ODAD2: variants seen among roughly 807,000 people sequenced by gnomAD.
The protein encoded by ODAD2 is outer dynein arm-docking complex subunit 2.
In ODAD2, 89 loss-of-function variants were observed where a neutral mutation model predicts 106.8. The ratio of observed to expected loss-of-function variants is 0.83; its 90% confidence interval spans 0.70 to 0.99. The LOEUF (loss-of-function observed/expected upper bound fraction) is 0.99, where lower values mean the gene tolerates loss of function less well. Ranked by LOEUF, ODAD2 falls within the 50% of genes least tolerant of loss-of-function variation. The pLI is 0.00. For missense variants in ODAD2, 1,168 were observed against 1,238.5 expected (o/e 0.94, Z 0.85); for synonymous variants, 404 against 436.2 (o/e 0.93, Z 0.92).
intron 7 of ODAD2, among the ~76,000 whole-genome samples, chr10:27,973,212 A>AATACGTACATAC (rs1848970646): frequency 6.7e-6 from 1 of 148,236 alleles, no homozygotes; most frequent in Non-Finnish European, 1.5e-5. Context: ...TGGTCAAAAT[A>AATACGTACATAC]ATACATACAT....
chr10:27,979,238 A>G (rs1309681323), intron 7 of ODAD2, among the ~76,000 whole-genome samples: 1 of 151,722 alleles, frequency 6.6e-6, no homozygotes, highest in Non-Finnish European at 1.5e-5. Flanking sequence ...TCTCAAAAAA[A>G]AAAAAAAAAA....
chr10:27,876,428 C>T (rs934564056), intron 17 of ODAD2, among the ~76,000 whole-genome samples: 4 of 152,200 alleles, frequency 2.6e-5, no homozygotes, highest in African/African-American at 9.6e-5. Flanking sequence ...GATACCCAGG[C>T]AAACAGCGTC....
chr10:27,984,013 C>T, intron 5 of ODAD2, 34 bp from the exon 6 acceptor site: 1 of 1,596,032 alleles, frequency 6.3e-7, no homozygotes, highest in Middle Eastern at 1.7e-4. Flanking sequence ...AACAGGAGTT[C>T]CTTAACCTAG....
intron 19 of ODAD2, among the ~76,000 whole-genome samples, chr10:27,854,639 C>A (rs562942496): frequency 7.5e-4 from 114 of 152,042 alleles, no homozygotes; most frequent in Non-Finnish European, 1.3e-3. Flanking sequence ...GCCTGTAACC[C>A]CAGCTACTCG....
chr10:27,848,025 C>T (rs1451256979), intron 19 of ODAD2, among the ~76,000 whole-genome samples: 1 of 152,134 alleles, frequency 6.6e-6, no homozygotes, highest in Non-Finnish European at 1.5e-5. Flanking sequence ...CAATGCCATT[C>T]CCATCAAGCT....
rs752989295 is a variant in ODAD2, at chr10:27,907,677, T to G, written c.2596A>C (p.Ile866Leu). ...TCCGTTCTTACCTTTGCATTTTTGA[T>G]GCATGGACAGAGTGCCCATGCTGCG... ...ASAAWALCPC[I>L]KNAKDAGEMV... Residue 866 changes from isoleucine to leucine, a missense_variant, in exon 17 of 20, where the codon ATC becomes CTC. Around this residue, in one of 3 missense-constraint regions of ODAD2, gnomAD observed 701 missense variants for 712.3 expected, o/e 0.98. Coordinates refer to ENST00000305242, the MANE Select transcript of ODAD2 (RefSeq NM_018076.5). 1 of 1,612,930 alleles carries G rather than the reference T, an allele frequency of 6.2e-7. No homozygotes were observed. Among genetic ancestry groups the G allele is most frequent in the Non-Finnish European group, 8.5e-7 (1 of 1,179,142 alleles).
At chr10:27,954,939 C>T (rs1381071030) in intron 10 of ODAD2, among the ~76,000 whole-genome samples, 1 of 152,166 alleles carries the variant, frequency 6.6e-6, no homozygotes, top group African/African-American at 2.4e-5. Flanking sequence ...AATGCAGATT[C>T]TGAGTAGGCT....
intron 19 of ODAD2, among the ~76,000 whole-genome samples, chr10:27,854,978 T>C (rs1476638821): frequency 6.6e-6 from 1 of 152,144 alleles, no homozygotes; most frequent in African/African-American, 2.4e-5. Flanking sequence ...TTATCTATAT[T>C]GACAGAAAGC....
intron 17 of ODAD2, among the ~76,000 whole-genome samples, chr10:27,891,652 T>C (rs1184842929): frequency 1.3e-5 from 2 of 151,522 alleles, no homozygotes; most frequent in African/African-American, 2.4e-5. Context: ...AATGCAAATA[T>C]AGTTGAACAT....
intron 10 of ODAD2, among the ~76,000 whole-genome samples, chr10:27,959,526 T>G (rs1289656920): frequency 6.6e-6 from 1 of 152,136 alleles, no homozygotes; most frequent in Non-Finnish European, 1.5e-5. Context: ...CGTGCCAGTC[T>G]GGACCACTGT....
chr10:27,880,126 T>C (rs1025779219), intron 17 of ODAD2, among the ~76,000 whole-genome samples: 3 of 152,212 alleles, frequency 2.0e-5, no homozygotes, highest in Admixed American at 1.3e-4. Flanking sequence ...TAAAGTTAGC[T>C]GAAATCCCTG....
At chr10:27,884,584 CAG>C (rs1259793549) in intron 17 of ODAD2, among the ~76,000 whole-genome samples, 1 of 152,038 alleles carries the variant, frequency 6.6e-6, no homozygotes, top group Non-Finnish European at 1.5e-5. Context: ...TTATCTGACT[CAG>C]AGCTCAGACA....
Position 27,934,767 on chromosome 10 carries a change from T to C in ODAD2, c.2495+243A>G, listed in dbSNP as rs7901785. Among the ~76,000 whole-genome samples the C allele has an allele frequency of 7.2e-3, 1,089 of 152,274 alleles. 17 individuals are homozygous for C. Among genetic ancestry groups the C allele is most frequent in the African/African-American group, 0.025 (1,019 of 41,550 alleles). On this transcript the variant is annotated intron_variant, in intron 16 of 19. Transcript: ENST00000305242. ...TGTTGACTGAATAAAGGTTTCCACA[T>C]GGGAAATTGATTACCGTGTATTGTA... is the stretch of plus-strand genomic sequence containing the variant.
At chr10:27,985,893 A>G (rs1319678671) in intron 3 of ODAD2, among the ~76,000 whole-genome samples, 1 of 152,038 alleles carries the variant, frequency 6.6e-6, no homozygotes, top group Middle Eastern at 3.2e-3. Flanking sequence ...TTGAAAACAG[A>G]ATTTGGTTAA....
chr10:27,964,010 T>C (rs1848330414), intron 9 of ODAD2, among the ~76,000 whole-genome samples: 1 of 152,098 alleles, frequency 6.6e-6, no homozygotes, highest in Non-Finnish European at 1.5e-5. Flanking sequence ...TTGCTTGAAG[T>C]TGGGAGTTTG....
intron 17 of ODAD2, among the ~76,000 whole-genome samples, chr10:27,882,568 A>G (rs1160917021): frequency 6.6e-6 from 1 of 152,220 alleles, no homozygotes; most frequent in African/African-American, 2.4e-5. Context: ...AATTTAATAA[A>G]AGGCTTGCAA....
intron 17 of ODAD2, among the ~76,000 whole-genome samples, chr10:27,886,910 TATAAAAAG>T: frequency 6.6e-6 from 1 of 151,762 alleles, no homozygotes; most frequent in East Asian, 1.9e-4. Flanking sequence ...AATGTGTCAC[TATAAAAAG>T]ATCAACTAAG....
intron 19 of ODAD2, among the ~76,000 whole-genome samples, chr10:27,858,995 A>G (rs1009371123): frequency 1.3e-5 from 2 of 151,626 alleles, no homozygotes; most frequent in South Asian, 2.1e-4. Flanking sequence ...CTAACTGACA[A>G]TTGTCTAAGC....
In ODAD2 at chr10:27,908,408, A is replaced by G. The variant is rs748876959; in HGVS notation, c.2496-631T>C. Among the ~76,000 whole-genome samples the G allele has an allele frequency of 2.4e-4, 36 of 152,186 alleles. 1 individual carries two copies. Among genetic ancestry groups the G allele is most frequent in the Non-Finnish European group, 4.6e-4 (31 of 68,034 alleles). ...ATGACTAGCTGAAAAATGAATTATC[A>G]TCAGAGCCATCTCTCCACCATCTGT... On this transcript the variant is annotated intron_variant, in intron 16 of 19. Coordinates refer to ENST00000305242, the MANE Select transcript of ODAD2 (RefSeq NM_018076.5).
Sources: allele counts gnomAD v4.1 joint callset (sites outside exome capture counted in the v4.1 genomes callset), GRCh38; gene constraint gnomAD v4.1.1; regional missense constraint gnomAD v4.1.1; transcripts MANE v1.5; gene names NCBI Gene and HGNC (gene_info 2026-07-23, HGNC 2026-07-21).